MYBPC1: variants seen among roughly 807,000 people sequenced by gnomAD.
MYBPC1 encodes myosin-binding protein C, slow-type.
A neutral mutation model predicts 147.1 loss-of-function variants in MYBPC1; 52 were observed. The ratio of observed to expected loss-of-function variants is 0.35; its 90% confidence interval spans 0.28 to 0.45. MYBPC1 has a LOEUF of 0.45. Ranked by LOEUF, MYBPC1 falls within the 20% of genes least tolerant of loss-of-function variation. The pLI, the probability that MYBPC1 is intolerant of heterozygous loss-of-function variation, is 1.00. For missense variants in MYBPC1, 1,228 were observed against 1,440.3 expected, an observed-to-expected ratio of 0.85 and a Z score of 2.39; for synonymous variants, 477 against 475.9, an observed-to-expected ratio of 1.00 and a Z score of -0.03.
chr12:101,665,051 T>C (rs910922468), intron 22 of MYBPC1, among the ~76,000 whole-genome samples: 24 of 152,160 alleles, frequency 1.6e-4, no homozygotes, highest in African/African-American at 5.8e-4. Flanking sequence ...CTTTTCTTTC[T>C]GATAGGTTTA....
intron 9 of MYBPC1, 81 bp downstream of exon 9, chr12:101,634,686 A>G (rs1890638594): frequency 9.0e-7 from 1 of 1,110,158 alleles, no homozygotes; most frequent in African/African-American, 1.5e-5. Context: ...TTTCCCCTGT[A>G]TTCCGTATTC....
At chr12:101,667,187 T>C (rs1439984893) in intron 22 of MYBPC1, among the ~76,000 whole-genome samples, 1 of 152,254 alleles carries the variant, frequency 6.6e-6, no homozygotes, top group African/African-American at 2.4e-5. Flanking sequence ...CTGTTTTCTC[T>C]TTGTGAAATA....
intron 1 of MYBPC1, among the ~76,000 whole-genome samples, chr12:101,607,162 C>T (rs539642147): frequency 6.6e-6 from 1 of 152,256 alleles, no homozygotes; most frequent in African/African-American, 2.4e-5. Flanking sequence ...CATCTCTAAG[C>T]ATTATGAATG....
In MYBPC1 at chr12:101,673,610, A is replaced by T; in HGVS notation, c.2797A>T (p.Ile933Phe). Residue 933 changes from isoleucine (I) to phenylalanine (F), a missense_variant, in exon 25 of 32, where the codon ATC (isoleucine) becomes TTC (phenylalanine). Ile to Phe is a conservative substitution (Grantham distance 21). Around this residue, in one of 2 missense-constraint regions of MYBPC1, gnomAD observed 1,077 missense variants for 1,314.2 expected, o/e 0.82. Coordinates refer to ENST00000361466, the MANE Select transcript of MYBPC1 (RefSeq NM_002465.4). ...ATTCGTGGAGACCGCATCAATTGAC[A>T]TCCAGATCATTGGTAGGTTTAGATG... ...DKFVETASIDIQIIDRPGPPQ... is the reference protein window; with the variant it reads ...DKFVETASIDFQIIDRPGPPQ... The T allele has an allele frequency of 6.2e-7, 1 of 1,614,182 alleles. No individual in the cohort carries two copies. Among genetic ancestry groups the T allele is most frequent in the South Asian group, 1.1e-5 (1 of 91,090 alleles).
Position 101,675,162 on chromosome 12 carries a change from C to A in MYBPC1, c.2810-130C>A, listed in dbSNP as rs1031676100. Reference sequence around the variant, plus strand: ...GGAAGGCAAAGGGTCTCAGAAGCCCCCATGGTAGGGTCTAGAAGAGTGATG... The same window carrying A: ...GGAAGGCAAAGGGTCTCAGAAGCCCACATGGTAGGGTCTAGAAGAGTGATG... On this transcript the variant is annotated intron_variant, in intron 25 of 31. Transcript: ENST00000361466. 4 of 1,278,520 alleles carry A rather than the reference C, an allele frequency of 3.1e-6. No individual in the cohort carries two copies. The African/African-American group carries it at 5.9e-5, about 19-fold the overall frequency. 79.2% of individuals were successfully genotyped at this position (1,278,520 alleles called of 1,614,324 possible).
chr12:101,629,382 C>G (rs1889328746), intron 5 of MYBPC1, 52 bp from the exon 6 acceptor site: 1 of 1,270,572 alleles, frequency 7.9e-7, no homozygotes, highest in Admixed American at 1.7e-5. Context: ...GTAAGACTGC[C>G]TAAGAAGAGC....
intron 19 of MYBPC1, 143 bp downstream of exon 19, chr12:101,659,974 T>TGC: frequency 8.9e-7 from 1 of 1,127,804 alleles, no homozygotes; most frequent in African/African-American, 1.6e-5. Context: ...AGAGGACTTA[T>TGC]CATTGGAGAA....
chr12:101,615,438 T>G (rs1255161924), intron 2 of MYBPC1, among the ~76,000 whole-genome samples: 1 of 152,164 alleles, frequency 6.6e-6, no homozygotes, highest in African/African-American at 2.4e-5. Flanking sequence ...TGTGCACAAC[T>G]CTGACCTAAC....
rs758238949 is a variant in MYBPC1 at position 101,627,766 on chromosome 12, C to T, written c.143-3C>T. ...CATCACCCAAATCACACTTTCCTTT[C>T]AGGTTTGGGTAGTCGGGCCCTGGAG... On this transcript the variant is annotated splice_polypyrimidine_tract_variant and splice_region_variant and intron_variant, in intron 4 of 31. Coordinates refer to ENST00000361466, the MANE Select transcript of MYBPC1 (RefSeq NM_002465.4). 1 of 1,613,794 alleles carries T rather than the reference C, an allele frequency of 6.2e-7. No individual in the cohort carries two copies. Among genetic ancestry groups the T allele is most frequent in the Non-Finnish European group, 8.5e-7 (1 of 1,179,850 alleles).
chr12:101,607,588 T>C (rs1316297153), intron 1 of MYBPC1, among the ~76,000 whole-genome samples: 2 of 152,150 alleles, frequency 1.3e-5, no homozygotes, highest in Non-Finnish European at 2.9e-5. Flanking sequence ...ACTAGAATCA[T>C]AACATTTAAT....
At chr12:101,632,237 A>G in intron 8 of MYBPC1, 99 bp downstream of exon 8, 1 of 903,024 alleles carries the variant, frequency 1.1e-6, no homozygotes, top group East Asian at 2.4e-5. Context: ...TTTCAGAGAA[A>G]GTTTTCCTTT....
At chr12:101,624,311 T>C (rs825068) in intron 3 of MYBPC1, among the ~76,000 whole-genome samples, 72,619 of 151,930 alleles carry the variant, frequency 0.48, 17,888 homozygotes, top group East Asian at 0.67. Flanking sequence ...TTCAGGCCAG[T>C]GGGTAATACT....
intron 1 of MYBPC1, among the ~76,000 whole-genome samples, chr12:101,603,400 A>G (rs1417714092): frequency 1.3e-5 from 2 of 151,958 alleles, no homozygotes; most frequent in African/African-American, 4.8e-5. Flanking sequence ...TTTGGTGGAT[A>G]GGGTCTTCCT....
chr12:101,647,927 C>T (rs1353974222), intron 13 of MYBPC1, 118 bp from the exon 14 acceptor site: 7 of 789,146 alleles, frequency 8.9e-6, no homozygotes, highest in East Asian at 2.8e-5. Context: ...ACTGTTATCA[C>T]CATGTCAACC....
downstream of MYBPC1, among the ~76,000 whole-genome samples, chr12:101,688,287 C>T (rs1420570374): frequency 2.0e-5 from 3 of 152,036 alleles, no homozygotes; most frequent in Admixed American, 6.6e-5. Flanking sequence ...GGCGTGGTGG[C>T]ACACAACTGT....
chr12:101,644,650 T>C lies in MYBPC1; in HGVS notation c.833-14T>C, dbSNP rs780409161. The C allele has an allele frequency of 1.2e-6, 2 of 1,607,392 alleles. No homozygotes were observed. The highest frequency in any genetic ancestry group is 1.7e-5 in the Admixed American group (1 of 59,998). On this transcript the variant is annotated splice_polypyrimidine_tract_variant and intron_variant, in intron 11 of 31. Coordinates refer to ENST00000361466, the MANE Select transcript of MYBPC1 (RefSeq NM_002465.4). ...ACATATATTAACATACTTTTGCTTC[T>C]TCTATTCTATCAGCTTTTGCAAAAA...
rs11110902 is a variant in MYBPC1, at chr12:101,636,925, G to A, written c.665+197G>A. On this transcript the variant is annotated intron_variant, in intron 10 of 31. Coordinates refer to ENST00000361466, the MANE Select transcript of MYBPC1 (RefSeq NM_002465.4). ...TAATCTTTTAAAGCCTTTAACAGTT[G>A]CTTTTAAACTTTCTTTTTAAATGTT... 4.2e-3 allele frequency: 2,370 copies of A among 559,472 alleles called. 36 individuals are homozygous for A. Among genetic ancestry groups the A allele is most frequent in the African/African-American group, 0.038 (2,030 of 52,944 alleles). The allele number at this position is 559,472 out of a possible 1,614,324, so 34.7% of individuals were successfully genotyped here.
intron 22 of MYBPC1, among the ~76,000 whole-genome samples, chr12:101,665,141 A>G (rs1045258057): frequency 1.3e-5 from 2 of 152,136 alleles, no homozygotes; most frequent in African/African-American, 4.8e-5. Context: ...AATGAAGTGT[A>G]TTTTACAAAA....
At chr12:101,636,782 C>T (rs1475006875) in intron 10 of MYBPC1, 54 bp downstream of exon 10, 1 of 1,450,770 alleles carries the variant, frequency 6.9e-7, no homozygotes, top group Non-Finnish European at 9.7e-7. Flanking sequence ...TTTCAGACAC[C>T]CACTCAGAGA....
Sources: allele counts gnomAD v4.1 joint callset (sites outside exome capture counted in the v4.1 genomes callset), GRCh38; gene constraint gnomAD v4.1.1; regional missense constraint gnomAD v4.1.1; transcripts MANE v1.5; gene names NCBI Gene and HGNC (gene_info 2026-07-23, HGNC 2026-07-21).